Variants in NBAS observed in about 807,000 individuals in gnomAD.
NBAS encodes NAG/BC035112 fusion.
NBAS carries 219 observed loss-of-function variants against 302.5 expected under a neutral mutation model. The ratio of observed to expected loss-of-function variants is 0.72; its 90% confidence interval spans 0.65 to 0.81. The LOEUF is 0.81. NBAS is among the 30% of genes least tolerant of loss of function. NBAS has a pLI of 0.00. For synonymous variants in NBAS, 1,118 were observed against 1,021.6 expected (o/e 1.09, Z -1.80); for missense variants, 2,932 against 2,841.6 (o/e 1.03, Z -0.72).
intron 5 of NBAS, among the ~76,000 whole-genome samples, chr2:15,552,326 C>T (rs560668443): frequency 2.1e-4 from 32 of 152,118 alleles, no homozygotes; most frequent in Non-Finnish European, 4.0e-4. Context: ...TTACTATAGT[C>T]GACCCTTGAA....
At chr2:15,350,616 CAT>C (rs1225219027) in intron 35 of NBAS, among the ~76,000 whole-genome samples, 1 of 152,116 alleles carries the variant, frequency 6.6e-6, no homozygotes, top group African/African-American at 2.4e-5. Flanking sequence ...TTCTGAAACA[CAT>C]ATAGACTTAA....
intron 9 of NBAS, among the ~76,000 whole-genome samples, chr2:15,517,536 T>A (rs1232667885): frequency 2.0e-5 from 3 of 151,752 alleles, no homozygotes; most frequent in Non-Finnish European, 4.4e-5. Context: ...TGTGAATGTA[T>A]ACACACACAC....
At chr2:15,372,220 G>T (rs1473053462) in intron 31 of NBAS, among the ~76,000 whole-genome samples, 1 of 152,028 alleles carries the variant, frequency 6.6e-6, no homozygotes, top group Non-Finnish European at 1.5e-5. Flanking sequence ...TAAATATTAA[G>T]AAAAATTTAC....
intron 35 of NBAS, among the ~76,000 whole-genome samples, chr2:15,349,960 A>G (rs1673271176): frequency 1.3e-5 from 2 of 152,172 alleles, no homozygotes; most frequent in African/African-American, 4.8e-5. Flanking sequence ...GCTGTCCTAG[A>G]GTCATCACTG....
chr2:15,047,620 G>A, the NBAS span, among the ~76,000 whole-genome samples: 1 of 143,140 alleles, frequency 7.0e-6, no homozygotes, highest in African/African-American at 2.6e-5. Context: ...TGCAGATGAA[G>A]GCTGGGCCCA....
the NBAS span, among the ~76,000 whole-genome samples, chr2:14,878,319 G>A: frequency 1.3e-5 from 2 of 152,308 alleles, no homozygotes; most frequent in African/African-American, 4.8e-5. Flanking sequence ...TTGCAGCAAA[G>A]GTTAAAGGCA....
chr2:15,218,677 CTTGGCCTCCCACA>C, intron 48 of NBAS, 83 bp downstream of exon 48: 2 of 1,534,868 alleles, frequency 1.3e-6, no homozygotes, highest in South Asian at 1.1e-5. Flanking sequence ...ATCCTCCCAC[CTTGGCCTCCCACA>C]ATGCTGGGAT....
At chr2:15,560,979 G>C (rs1664888071) in intron 1 of NBAS, among the ~76,000 whole-genome samples, 2 of 152,064 alleles carry the variant, frequency 1.3e-5, no homozygotes, top group African/African-American at 4.8e-5. Context: ...ACCGAATTCT[G>C]AGCCCAGGAA....
chr2:15,515,572 ATTACT>A (rs1280745528), intron 9 of NBAS, among the ~76,000 whole-genome samples: 1 of 152,200 alleles, frequency 6.6e-6, no homozygotes, highest in East Asian at 1.9e-4. Flanking sequence ...TCAAGACTCC[ATTACT>A]TTATTATTCA....
chr2:15,537,145 T>C (rs1663558216), intron 7 of NBAS, among the ~76,000 whole-genome samples: 1 of 152,196 alleles, frequency 6.6e-6, no homozygotes, highest in South Asian at 2.1e-4. Flanking sequence ...ACCCAAAATA[T>C]GCCACTTTGG....
chr2:15,194,595 A>G (rs1301863922), intron 48 of NBAS, among the ~76,000 whole-genome samples: 1 of 152,230 alleles, frequency 6.6e-6, no homozygotes, highest in Non-Finnish European at 1.5e-5. Flanking sequence ...AGAAGGAACT[A>G]TGAAGTATCA....
chr2:14,816,619 G>A, the NBAS span, among the ~76,000 whole-genome samples: 1 of 152,114 alleles, frequency 6.6e-6, no homozygotes, highest in Admixed American at 6.5e-5. Flanking sequence ...TCATCTACAG[G>A]GAAGAAGTTC....
At chr2:15,255,284 T>C (rs551913607) in intron 44 of NBAS, among the ~76,000 whole-genome samples, 18 of 152,328 alleles carry the variant, frequency 1.2e-4, no homozygotes, top group African/African-American at 3.8e-4. Context: ...TGGCATCTCA[T>C]TGTAGTTTTG....
chr2:15,386,196 T>G (rs1219159937), intron 28 of NBAS, among the ~76,000 whole-genome samples: 2 of 152,116 alleles, frequency 1.3e-5, no homozygotes, highest in Non-Finnish European at 2.9e-5. Context: ...TGTAACACCG[T>G]ATAGCTGCAA....
intron 44 of NBAS, among the ~76,000 whole-genome samples, chr2:15,239,853 T>C (rs537745778): frequency 5.5e-4 from 84 of 152,282 alleles, no homozygotes; most frequent in African/African-American, 1.8e-3. Context: ...AGTTATATTT[T>C]TCTAATTAAT....
At chr2:15,475,634 A>C (rs1281444598) in intron 14 of NBAS, 53 bp downstream of exon 14, 2 of 1,531,754 alleles carry the variant, frequency 1.3e-6, no homozygotes, top group Admixed American at 3.5e-5. Flanking sequence ...CCAGATATTT[A>C]AATTTTTGGT....
the NBAS span, among the ~76,000 whole-genome samples, chr2:15,158,263 T>C: frequency 6.6e-6 from 1 of 152,178 alleles, no homozygotes; most frequent in Non-Finnish European, 1.5e-5. Context: ...CCCGTTGCCA[T>C]GGCAACTCCT....
chr2:15,427,807 A>C lies in NBAS; in HGVS notation c.2340-13T>G. 1 of 1,595,748 alleles carries C rather than the reference A, an allele frequency of 6.3e-7. No individual in the cohort carries two copies. The highest frequency in any genetic ancestry group is 8.6e-7 in the Non-Finnish European group (1 of 1,166,242). The stretch of plus-strand genomic sequence containing the variant: ...GTCACCGTTAAAACTCAAATTTAAA[A>C]AAAAATAAGTGTTTAAAATTCACAT... On this transcript the variant is annotated splice_polypyrimidine_tract_variant and intron_variant, in intron 21 of 51. Coordinates refer to ENST00000281513, the MANE Select transcript of NBAS (RefSeq NM_015909.4).
chr2:15,101,789 C>T, the NBAS span, among the ~76,000 whole-genome samples: 2 of 152,164 alleles, frequency 1.3e-5, no homozygotes, highest in Non-Finnish European at 2.9e-5. Flanking sequence ...CTTTTAGAAA[C>T]TCATTTTCCT....
Sources: allele counts gnomAD v4.1 joint callset (sites outside exome capture counted in the v4.1 genomes callset), GRCh38; gene constraint gnomAD v4.1.1; transcripts MANE v1.5; gene names NCBI Gene and HGNC (gene_info 2026-07-23, HGNC 2026-07-21).